The following FRMD6 variants were observed in gnomAD, a reference collection of about 807,000 sequenced individuals.
The protein encoded by FRMD6 is FERM domain-containing protein 6.
A neutral mutation model predicts 73.2 loss-of-function variants in FRMD6; 37 were observed. The observed-to-expected ratio is 0.51, with a 90% CI of 0.39 to 0.66. The LOEUF is 0.66. Among genes scored for constraint, FRMD6 ranks in the 30% least tolerant of loss-of-function variants. The pLI is 0.00. For missense variants in FRMD6, 714 were observed against 780.5 expected, an observed-to-expected ratio of 0.91 and a Z score of 1.02; for synonymous variants, 273 against 282.2, an observed-to-expected ratio of 0.97 and a Z score of 0.33.
chr14:51,605,437 G>A (rs1329990804), intron 2 of FRMD6, among the ~76,000 whole-genome samples: 1 of 152,082 alleles, frequency 6.6e-6, no homozygotes, highest in African/African-American at 2.4e-5. Flanking sequence ...GTTTGAAGAG[G>A]ATGGGTTTGA....
intron 1 of FRMD6, among the ~76,000 whole-genome samples, chr14:51,652,390 C>T (rs1319116424): frequency 2.0e-5 from 3 of 152,176 alleles, no homozygotes; most frequent in African/African-American, 4.8e-5. Context: ...GTGCGCGGTC[C>T]CTGGTTCTCT....
At chr14:51,592,334 T>C (rs961282250) in intron 2 of FRMD6, among the ~76,000 whole-genome samples, 15 of 152,332 alleles carry the variant, frequency 9.8e-5, no homozygotes, top group African/African-American at 3.6e-4. Context: ...GTAAAGGCAT[T>C]TGGGTTATTG....
chr14:51,694,802 T>A (rs1895836084), intron 2 of FRMD6, among the ~76,000 whole-genome samples: 1 of 152,190 alleles, frequency 6.6e-6, no homozygotes, highest in South Asian at 2.1e-4. Flanking sequence ...TCCTGAAGAT[T>A]AAAGAACTTG....
chr14:51,502,125 A>G (rs1279922219), intron 1 of FRMD6, among the ~76,000 whole-genome samples: 1 of 151,950 alleles, frequency 6.6e-6, no homozygotes, highest in East Asian at 1.9e-4. Flanking sequence ...TAGACCTTCA[A>G]AATTTTTTCC....
chr14:51,536,917 G>A (rs1428301376), intron 1 of FRMD6, among the ~76,000 whole-genome samples: 1 of 152,028 alleles, frequency 6.6e-6, no homozygotes, highest in Non-Finnish European at 1.5e-5. Context: ...AAAATAGGAA[G>A]GTACAGAGAT....
the FRMD6 span, among the ~76,000 whole-genome samples, chr14:51,429,680 A>G: frequency 6.6e-6 from 1 of 152,170 alleles, no homozygotes; most frequent in East Asian, 1.9e-4. Context: ...GGAAAACTTG[A>G]CAAAGTCCCA....
chr14:51,659,472 G>C (rs188759003), intron 1 of FRMD6, among the ~76,000 whole-genome samples: 89 of 152,200 alleles, frequency 5.8e-4, no homozygotes, highest in African/African-American at 2.1e-3. Flanking sequence ...ACAAAACCTA[G>C]TATTTCTCAG....
intron 6 of FRMD6, among the ~76,000 whole-genome samples, chr14:51,707,622 C>T (rs1484678396): frequency 6.6e-6 from 1 of 152,122 alleles, no homozygotes; most frequent in Non-Finnish European, 1.5e-5. Context: ...ACCCTGCCTT[C>T]TTTTGATTAA....
At chr14:51,416,807 T>C in the FRMD6 span, among the ~76,000 whole-genome samples, 1 of 152,222 alleles carries the variant, frequency 6.6e-6, no homozygotes, top group African/African-American at 2.4e-5. Context: ...TGTAGGTCTC[T>C]AAGGACTTGC....
chr14:51,691,910 T>C (rs1178017270), intron 2 of FRMD6, among the ~76,000 whole-genome samples: 1 of 151,946 alleles, frequency 6.6e-6, no homozygotes, highest in Non-Finnish European at 1.5e-5. Flanking sequence ...ACTATATTTT[T>C]AATCCAATTG....
chr14:51,678,147 C>A (rs1364236835), intron 1 of FRMD6, among the ~76,000 whole-genome samples: 1 of 152,048 alleles, frequency 6.6e-6, no homozygotes, highest in Non-Finnish European at 1.5e-5. Context: ...TTATAATTTC[C>A]ATTTTATAGA....
At chr14:51,405,919 C>G in the FRMD6 span, among the ~76,000 whole-genome samples, 1 of 152,146 alleles carries the variant, frequency 6.6e-6, no homozygotes, top group Admixed American at 6.5e-5. Context: ...GTTCCTATGA[C>G]CAGGATGGTA....
intron 1 of FRMD6, among the ~76,000 whole-genome samples, chr14:51,507,242 A>G (rs1884022374): frequency 6.6e-6 from 1 of 152,168 alleles, no homozygotes; most frequent in Non-Finnish European, 1.5e-5. Flanking sequence ...GCTGCAGGGC[A>G]TCCTGGCTGG....
intron 1 of FRMD6, among the ~76,000 whole-genome samples, chr14:51,658,603 G>T (rs1274755233): frequency 2.0e-5 from 3 of 151,782 alleles, no homozygotes; most frequent in Non-Finnish European, 4.4e-5. Flanking sequence ...TCCAGTTATC[G>T]TTTCTTAAAG....
chr14:51,440,678 C>T, the FRMD6 span, among the ~76,000 whole-genome samples: 2 of 152,072 alleles, frequency 1.3e-5, no homozygotes, highest in African/African-American at 4.8e-5. Flanking sequence ...TGTACTTATA[C>T]TTGCTTAAAG....
intron 1 of FRMD6, among the ~76,000 whole-genome samples, chr14:51,489,885 G>A (rs1323204257): frequency 2.0e-5 from 3 of 152,178 alleles, no homozygotes; most frequent in African/African-American, 4.8e-5. Flanking sequence ...ATGACTTCTT[G>A]TAAGACACCA....
the FRMD6 span, among the ~76,000 whole-genome samples, chr14:51,398,914 T>C: frequency 6.6e-6 from 1 of 152,134 alleles, no homozygotes. Flanking sequence ...AGATTGCCAG[T>C]GTGTACAGAA....
chr14:51,536,227 G>A (rs1885883058), intron 1 of FRMD6, among the ~76,000 whole-genome samples: 1 of 150,750 alleles, frequency 6.6e-6, no homozygotes, highest in South Asian at 2.1e-4. Flanking sequence ...CTGAGTAGCT[G>A]GGACTACATG....
At chr14:51,566,173 G>C (rs909786179) in intron 1 of FRMD6, among the ~76,000 whole-genome samples, 2 of 152,132 alleles carry the variant, frequency 1.3e-5, no homozygotes, top group African/African-American at 4.8e-5. Flanking sequence ...TCAAGACAAA[G>C]CCCACTGGGC....
Sources: gnomAD v4.1 joint callset for allele counts (sites outside exome capture counted in the v4.1 genomes callset) on GRCh38, gnomAD v4.1.1 for gene constraint, MANE v1.5 for transcripts, NCBI Gene and HGNC (gene_info 2026-07-23, HGNC 2026-07-21) for gene names.